VGLL4: variants seen among roughly 807,000 people sequenced by gnomAD.
The protein encoded by VGLL4 is transcription cofactor vestigial-like protein 4.
Under a neutral mutation model 21.0 loss-of-function variants are expected in VGLL4, and 7 were observed. That is an observed-to-expected ratio of 0.33 (90% CI 0.19 to 0.63). VGLL4 has a LOEUF of 0.63. Among genes scored for constraint, VGLL4 ranks in the 20% least tolerant of loss-of-function variants. The pLI is 0.78. For missense variants in VGLL4, 394 were observed against 425.7 expected (o/e 0.93, Z 0.66); for synonymous variants, 222 against 173.2 (o/e 1.28, Z -2.21).
rs190528283 is a variant in VGLL4 at position 11,681,800 on chromosome 3, C to T, written c.64+21171G>A. Among the ~76,000 whole-genome samples the T allele has an allele frequency of 5.8e-4, 89 of 152,254 alleles. 1 individual carries two copies. In the East Asian group the frequency reaches 0.013, roughly 23 times the overall value. ...TAAGGATGGAATGCAAAGGAGCCAG[C>T]GAGTAAGATTCGAGAAGGGCGTTTC... On this transcript the variant is annotated intron_variant, in intron 2 of 5. Transcript: ENST00000273038.
At chr3:11,577,857 G>A (rs1264133955) in intron 2 of VGLL4, among the ~76,000 whole-genome samples, 8 of 152,052 alleles carry the variant, frequency 5.3e-5, no homozygotes, top group Non-Finnish European at 1.0e-4. Flanking sequence ...TTATTTCCTC[G>A]TCCAACTACT....
intron 2 of VGLL4, among the ~76,000 whole-genome samples, chr3:11,659,662 A>G (rs1365558880): frequency 6.6e-6 from 1 of 152,000 alleles, no homozygotes; most frequent in East Asian, 1.9e-4. Context: ...GGACTTGGGG[A>G]TTTCATAAAA....
intron 1 of VGLL4, among the ~76,000 whole-genome samples, chr3:11,711,523 C>T (rs1224748144): frequency 1.3e-5 from 2 of 151,466 alleles, no homozygotes; most frequent in Middle Eastern, 3.4e-3. Flanking sequence ...GCCGAGGTTG[C>T]GCCACTGCAC....
At chr3:11,663,317 T>C (rs192585928) in intron 2 of VGLL4, among the ~76,000 whole-genome samples, 81 of 152,314 alleles carry the variant, frequency 5.3e-4, no homozygotes, top group African/African-American at 1.9e-3. Context: ...AAGTCCAGGA[T>C]ACAGAATAAG....
chr3:11,609,146 G>A (rs1237456067), intron 1 of VGLL4, among the ~76,000 whole-genome samples: 1 of 152,064 alleles, frequency 6.6e-6, no homozygotes, highest in Non-Finnish European at 1.5e-5. Flanking sequence ...GGGATTACAG[G>A]CCTGAGCCAC....
chr3:11,613,204 C>T (rs1357577444), intron 1 of VGLL4, among the ~76,000 whole-genome samples: 2 of 152,108 alleles, frequency 1.3e-5, no homozygotes, highest in Non-Finnish European at 2.9e-5. Context: ...TAAAAATACT[C>T]AAAAAACTTC....
intron 1 of VGLL4, among the ~76,000 whole-genome samples, chr3:11,623,986 CCCACCTCTGTCTCCCAA>C (rs1352872899): frequency 7.9e-5 from 12 of 152,224 alleles, no homozygotes; most frequent in South Asian, 2.1e-4. Context: ...AAGTGATCCT[CCCACCTCTGTCTCCCAA>C]AGTGCTGGGA....
At chr3:11,639,924 TA>T (rs1190356910) in intron 1 of VGLL4, among the ~76,000 whole-genome samples, 2 of 151,886 alleles carry the variant, frequency 1.3e-5, no homozygotes, top group Non-Finnish European at 2.9e-5. Context: ...CAGCACGGCA[TA>T]GAAGATTCAT....
At chr3:11,627,335 T>C (rs542833211) in intron 1 of VGLL4, 3 of 152,104 alleles carry the variant, frequency 2.0e-5, no homozygotes, top group Admixed American at 1.3e-4. Flanking sequence ...CCCAGCACTT[T>C]GGGAGGCCGA....
At chr3:11,716,931 G>C (rs528788512) in intron 1 of VGLL4, among the ~76,000 whole-genome samples, 1 of 152,156 alleles carries the variant, frequency 6.6e-6, no homozygotes, top group South Asian at 2.1e-4. Context: ...AAGCACAAAT[G>C]AGCCTCAGTT....
chr3:11,633,284 G>C (rs1321760834), intron 1 of VGLL4: 1 of 152,322 alleles, frequency 6.6e-6, no homozygotes, highest in African/African-American at 2.4e-5. Flanking sequence ...GAGTAAGCCA[G>C]ACAGAGGAGG....
chr3:11,592,498 T>A (rs2074523678), intron 2 of VGLL4, among the ~76,000 whole-genome samples: 1 of 152,126 alleles, frequency 6.6e-6, no homozygotes, highest in Non-Finnish European at 1.5e-5. Context: ...TCCACCCCTT[T>A]ACTTCCCTCC....
intron 1 of VGLL4, among the ~76,000 whole-genome samples, chr3:11,626,010 A>T (rs895680337): frequency 6.6e-6 from 1 of 152,226 alleles, no homozygotes; most frequent in Non-Finnish European, 1.5e-5. Flanking sequence ...ATACCATTAA[A>T]TTGTATAATT....
At chr3:11,663,653 G>C (rs910347723) in intron 2 of VGLL4, among the ~76,000 whole-genome samples, 2 of 152,138 alleles carry the variant, frequency 1.3e-5, no homozygotes, top group Non-Finnish European at 2.9e-5. Context: ...GGAACACAGT[G>C]GTTGCAGTAA....
At chr3:11,581,651 C>T (rs1423542099) in intron 2 of VGLL4, among the ~76,000 whole-genome samples, 2 of 152,162 alleles carry the variant, frequency 1.3e-5, no homozygotes, top group Non-Finnish European at 2.9e-5. Context: ...TCTAATTGGT[C>T]CTGCACTCTA....
chr3:11,672,654 C>T (rs920574072), intron 2 of VGLL4, among the ~76,000 whole-genome samples: 1 of 152,216 alleles, frequency 6.6e-6, no homozygotes, highest in African/African-American at 2.4e-5. Flanking sequence ...TTTCAAACAG[C>T]TTTCTCCAGC....
intron 1 of VGLL4, among the ~76,000 whole-genome samples, chr3:11,613,786 T>C (rs767978599): frequency 2.6e-5 from 4 of 152,238 alleles, no homozygotes; most frequent in Non-Finnish European, 4.4e-5. Context: ...TTACACTGTT[T>C]GTTGGATTCC....
intron 2 of VGLL4, among the ~76,000 whole-genome samples, chr3:11,577,541 C>T (rs560740713): frequency 1.3e-5 from 2 of 152,204 alleles, no homozygotes; most frequent in African/African-American, 4.8e-5. Context: ...TGCAGTGAGC[C>T]GAGATCATGC....
chr3:11,596,930 A>G (rs1031253426), intron 2 of VGLL4, among the ~76,000 whole-genome samples: 1 of 152,142 alleles, frequency 6.6e-6, no homozygotes, highest in African/African-American at 2.4e-5. Flanking sequence ...CCCCACTAAA[A>G]GGATCTGGAG....
Sources: gnomAD v4.1 joint callset for allele counts (sites outside exome capture counted in the v4.1 genomes callset) on GRCh38, gnomAD v4.1.1 for gene constraint, MANE v1.5 for transcripts, NCBI Gene and HGNC (gene_info 2026-07-23, HGNC 2026-07-21) for gene names.